SEZ6: variants seen among roughly 807,000 people sequenced by gnomAD.
The protein encoded by SEZ6 is seizure protein 6 homolog.
Under a neutral mutation model 101.0 loss-of-function variants are expected in SEZ6, and 53 were observed. That is an observed-to-expected ratio of 0.52 (90% confidence interval 0.42 to 0.66). SEZ6 has a LOEUF of 0.66. Among genes scored for constraint, SEZ6 ranks in the 30% least tolerant of loss-of-function variants. SEZ6 has a pLI of 0.00. For synonymous variants in SEZ6, 488 were observed against 512.2 expected (o/e 0.95, Z 0.64); for missense variants, 1,102 against 1,289.4 (o/e 0.85, Z 2.23).
rs1271055187 is a variant in SEZ6, at chr17:29,005,687, C to G, written c.55+128G>C. ...CCGGCTTGGCCGGCGCCGGGGGCAGCGCAGCCGGCGGGGCGCGGTGCTTGG... is the reference window on the plus strand; with the variant it reads ...CCGGCTTGGCCGGCGCCGGGGGCAGGGCAGCCGGCGGGGCGCGGTGCTTGG... On this transcript the variant is annotated intron_variant, in intron 1 of 16. Coordinates refer to ENST00000317338, the MANE Select transcript of SEZ6 (RefSeq NM_178860.5). The surrounding 1 kb of genome is among the most constrained non-coding windows in gnomAD (Gnocchi z 4.8). 1 of 932,414 alleles carries G rather than the reference C, an allele frequency of 1.1e-6. No homozygotes were observed. Among genetic ancestry groups the G allele is most frequent in the Non-Finnish European group, 1.4e-6 (1 of 713,086 alleles). The allele number at this position is 932,414 out of a possible 1,614,324, so 57.8% of individuals were successfully genotyped here.
Position 28,963,954 on chromosome 17 carries a change from G to GT in SEZ6, c.1240+7_1240+8insA. On this transcript the variant is annotated splice_region_variant and intron_variant, in intron 5 of 16. Coordinates refer to ENST00000317338, the MANE Select transcript of SEZ6 (RefSeq NM_178860.5). ...CTCAGCACTGAGCCCTTTCCCCTGG[G>GT]CACTCACCGATGCAGACGGGCTCCT... 1 of 1,607,172 alleles carries GT rather than the reference G, an allele frequency of 6.2e-7. No homozygotes were observed. The highest frequency in any genetic ancestry group is 2.2e-5 in the East Asian group (1 of 44,694).
chr17:28,994,811 G>T (rs1339624238), intron 1 of SEZ6, among the ~76,000 whole-genome samples: 1 of 152,124 alleles, frequency 6.6e-6, no homozygotes, highest in Non-Finnish European at 1.5e-5. Flanking sequence ...CTCCGGATGG[G>T]CAGGGGTAGA....
intron 2 of SEZ6, among the ~76,000 whole-genome samples, chr17:28,981,022 A>C (rs530313901): frequency 4.0e-4 from 61 of 152,188 alleles, no homozygotes; most frequent in African/African-American, 1.4e-3. Context: ...CAGCCTCCCG[A>C]GTAGCTGGGA....
chr17:28,969,434 G>C (rs1281754475), intron 4 of SEZ6, among the ~76,000 whole-genome samples: 1 of 152,180 alleles, frequency 6.6e-6, no homozygotes, highest in African/African-American at 2.4e-5. Context: ...CCAGTGTCCA[G>C]CACAAGCCTG....
rs763125148 is a variant in SEZ6, at chr17:28,959,519, G to C, written c.1772-47C>G. ...GAAGGGTCTTTTCAAGCTTACCATG[G>C]TGTTGCTTACCATCTGCCCGCAGGA... On this transcript the variant is annotated intron_variant, in intron 8 of 16. Coordinates refer to ENST00000317338, the MANE Select transcript of SEZ6 (RefSeq NM_178860.5). The surrounding 1 kb of genome is among the most constrained non-coding windows in gnomAD (Gnocchi z 4.4). 6 of 1,598,166 alleles carry C rather than the reference G, an allele frequency of 3.8e-6. No homozygotes were observed. In the South Asian group the frequency reaches 6.6e-5, roughly 18 times the overall value.
chr17:28,956,783 G>A (rs2040886023), intron 13 of SEZ6, 26 bp from the exon 14 acceptor site: 1 of 1,558,486 alleles, frequency 6.4e-7, no homozygotes. Flanking sequence ...AGGGCCAAGG[G>A]CAGTGAGTGA....
intron 5 of SEZ6, among the ~76,000 whole-genome samples, chr17:28,962,906 C>T (rs1771366222): frequency 1.3e-5 from 2 of 151,778 alleles, no homozygotes; most frequent in African/African-American, 2.4e-5. Flanking sequence ...GGGTGGATCA[C>T]GAGGTCAGGA....
upstream of SEZ6, chr17:29,006,267 G>C (rs1056395075): frequency 6.2e-6 from 1 of 160,188 alleles, no homozygotes; most frequent in Non-Finnish European, 1.4e-5. Flanking sequence ...GCCTGCTAAG[G>C]AACCTCAATT....
intron 1 of SEZ6, among the ~76,000 whole-genome samples, chr17:29,000,102 T>C (rs2041594628): frequency 6.6e-6 from 1 of 152,238 alleles, no homozygotes; most frequent in Non-Finnish European, 1.5e-5. Context: ...AGCTAATGTA[T>C]ACAAAGCACT....
Position 29,005,965 on chromosome 17 carries a change from G to T in SEZ6, c.-96C>A, listed in dbSNP as rs1199235350. The T allele has an allele frequency of 1.8e-6, 2 of 1,112,554 alleles. No individual in the cohort carries two copies. The highest frequency in any genetic ancestry group is 2.8e-5 in the South Asian group (1 of 36,256). The allele number at this position is 1,112,554 out of a possible 1,614,324, so 68.9% of individuals were successfully genotyped here. A position where few individuals can be genotyped will look rare whatever the true frequency, so the allele number is the denominator to read the frequency against. ...GCGGGGGCAGAGCCGGGTCCGGCCG[G>T]GTAGAGGGAGCGGGGCCGCAGCCGT... is the stretch of plus-strand genomic sequence containing the variant. On this transcript the variant is annotated 5_prime_UTR_variant, in exon 1 of 17. Transcript: ENST00000317338. The surrounding 1 kb of genome is among the most constrained non-coding windows in gnomAD (Gnocchi z 4.8).
intron 1 of SEZ6, among the ~76,000 whole-genome samples, chr17:29,004,545 G>A (rs987338199): frequency 6.6e-6 from 1 of 152,130 alleles, no homozygotes; most frequent in Non-Finnish European, 1.5e-5. Flanking sequence ...CTGCGTCTCC[G>A]GGGCCACAGT....
In SEZ6 at chr17:28,959,092, A is replaced by G; in HGVS notation, c.2040T>C (p.Ile680=). The change falls in exon 10 of 17, where the codon ATT becomes ATC. Residue 680 remains isoleucine (I), a synonymous_variant. Transcript: ENST00000317338. This position sits in a 1 kb window ranked among gnomAD's most constrained non-coding sequence, Gnocchi z 4.4. ...KLFTSMADVT[I]QFQSDPGTSV... The stretch of plus-strand genomic sequence containing the variant: ...AGGTCCCGGGGTCCGACTGGAACTG[A>G]ATGGTGACATCAGCCATGGAGGTAA... 6.2e-7 allele frequency: 1 copy of G among 1,613,986 alleles called. No individual in the cohort carries two copies. Among genetic ancestry groups the G allele is most frequent in the Non-Finnish European group, 8.5e-7 (1 of 1,179,874 alleles).
intron 1 of SEZ6, among the ~76,000 whole-genome samples, chr17:28,997,518 T>C (rs1263460567): frequency 6.6e-6 from 1 of 152,220 alleles, no homozygotes; most frequent in East Asian, 1.9e-4. Flanking sequence ...TCTCACCTTC[T>C]TGGACAGACC....
chr17:28,961,569 C>T (rs1380644099), intron 5 of SEZ6, among the ~76,000 whole-genome samples: 2 of 152,212 alleles, frequency 1.3e-5, no homozygotes, highest in African/African-American at 4.8e-5. Context: ...TGCATGCCAT[C>T]CGCCCCGGCC....
At chr17:28,962,537 G>C (rs1391156872) in intron 5 of SEZ6, among the ~76,000 whole-genome samples, 1 of 152,116 alleles carries the variant, frequency 6.6e-6, no homozygotes, top group Non-Finnish European at 1.5e-5. Flanking sequence ...CCAGCACTTT[G>C]GGAGGCCGAG....
At chr17:28,986,600 G>T (rs946522427) in intron 1 of SEZ6, among the ~76,000 whole-genome samples, 6 of 152,128 alleles carry the variant, frequency 3.9e-5, no homozygotes, top group Non-Finnish European at 8.8e-5. Flanking sequence ...GAGTCATTAC[G>T]CAGTGCCCCA....
chr17:28,997,590 G>C (rs988100559), intron 1 of SEZ6, among the ~76,000 whole-genome samples: 4 of 152,146 alleles, frequency 2.6e-5, no homozygotes, highest in African/African-American at 4.8e-5. Context: ...CTCCTGGGTT[G>C]TATGATTCAG....
rs1264275518 is a variant in SEZ6 at position 29,005,105 on chromosome 17, G to T, written c.55+710C>A. 1.4e-5 allele frequency among the ~76,000 whole-genome samples: 2 copies of T among 144,962 alleles called. No individual in the cohort carries two copies. Among genetic ancestry groups the T allele is most frequent in the African/African-American group, 5.7e-5 (2 of 35,018 alleles). On this transcript the variant is annotated intron_variant, in intron 1 of 16. Transcript: ENST00000317338. The surrounding 1 kb of genome is among the most constrained non-coding windows in gnomAD (Gnocchi z 4.8). ...TGTGTGTGTGTGTGTGTGTGTGTGT[G>T]TGTGTGTGTGTGTACAAGGAAAGGA...
At chr17:28,958,175 G>A (rs771706497) in intron 10 of SEZ6, 34 bp from the exon 11 acceptor site, 33 of 1,560,112 alleles carry the variant, frequency 2.1e-5, no homozygotes, top group Admixed American at 3.5e-5. Flanking sequence ...GCAGGCCCTC[G>A]GCCAGCACCA....
Sources: allele counts gnomAD v4.1 joint callset (sites outside exome capture counted in the v4.1 genomes callset), GRCh38; gene constraint gnomAD v4.1.1; non-coding constraint Gnocchi (gnomAD v3.1); transcripts MANE v1.5; gene names NCBI Gene and HGNC (gene_info 2026-07-23, HGNC 2026-07-21).